The following MCOLN3 variants were observed in gnomAD, a reference collection of about 807,000 sequenced individuals.
MCOLN3 encodes the protein mucolipin TRP cation channel 3.
In MCOLN3, 62 loss-of-function variants were observed where a neutral mutation model predicts 69.4. The observed-to-expected ratio is 0.89, with a 90% CI of 0.73 to 1.10. The LOEUF (loss-of-function observed/expected upper bound fraction) is 1.10, where lower values mean the gene tolerates loss of function less well. Among genes scored for constraint, MCOLN3 ranks in the 50% least tolerant of loss-of-function variants. MCOLN3 has a pLI of 0.00. For synonymous variants in MCOLN3, 183 were observed against 217.0 expected (o/e 0.84, Z 1.38); for missense variants, 564 against 656.4 (o/e 0.86, Z 1.54).
chr1:85,034,590 T>C (rs1252372293), intron 3 of MCOLN3, among the ~76,000 whole-genome samples: 2 of 152,254 alleles, frequency 1.3e-5, no homozygotes, highest in Non-Finnish European at 2.9e-5. Flanking sequence ...AATACATATT[T>C]ATCTTTAAAC....
At chr1:85,029,240 A>C (rs749838938) in intron 6 of MCOLN3, 35 bp from the exon 7 acceptor site, 1 of 1,357,624 alleles carries the variant, frequency 7.4e-7, no homozygotes, top group Admixed American at 1.7e-5. Flanking sequence ...AAACATACTT[A>C]TAGTTTTGGA....
chr1:85,028,678 A>G (rs1388852714), intron 7 of MCOLN3, among the ~76,000 whole-genome samples: 1 of 152,208 alleles, frequency 6.6e-6, no homozygotes, highest in South Asian at 2.1e-4. Context: ...GCAGGGTCAC[A>G]TCCTACCTGA....
At chr1:85,026,943 A>G (rs1652255070) in intron 7 of MCOLN3, among the ~76,000 whole-genome samples, 1 of 151,654 alleles carries the variant, frequency 6.6e-6, no homozygotes, top group Non-Finnish European at 1.5e-5. Context: ...TTGTAGAGAC[A>G]GGGTTTCACT....
chr1:85,047,656 C>A (rs1196054143), intron 1 of MCOLN3: 1 of 152,234 alleles, frequency 6.6e-6, no homozygotes, highest in African/African-American at 2.4e-5. Flanking sequence ...TAGCAAAGGC[C>A]TCCCAGTTGG....
intron 3 of MCOLN3, among the ~76,000 whole-genome samples, chr1:85,038,328 A>T (rs1333813415): frequency 6.6e-6 from 1 of 152,214 alleles, no homozygotes; most frequent in Non-Finnish European, 1.5e-5. Flanking sequence ...GACTGCTCAA[A>T]TTTAAGAGGC....
At chr1:85,028,122 TAAAGTATACAGATG>T (rs1470375195) in intron 7 of MCOLN3, among the ~76,000 whole-genome samples, 1 of 152,188 alleles carries the variant, frequency 6.6e-6, no homozygotes, top group African/African-American at 2.4e-5. Flanking sequence ...AGAATGATTA[TAAAGTATACAGATG>T]ACAAAACAGG....
At chr1:85,029,411 C>A in intron 6 of MCOLN3, 1 of 510,408 alleles carries the variant, frequency 2.0e-6, no homozygotes, top group East Asian at 3.4e-5. Flanking sequence ...TACAGAGACC[C>A]TGTAGTCTCT....
At chr1:85,022,593 AACTTTGGGAC>A in intron 9 of MCOLN3, 193 bp from the exon 10 acceptor site, 1 of 466,178 alleles carries the variant, frequency 2.1e-6, no homozygotes, top group Non-Finnish European at 3.8e-6. Flanking sequence ...AGTTAATAGA[AACTTTGGGAC>A]ACTTGCTGCT....
chr1:85,034,345 G>T (rs1571111726), intron 3 of MCOLN3, 94 bp from the exon 4 acceptor site: 6 of 1,320,030 alleles, frequency 4.5e-6, no homozygotes, highest in South Asian at 2.5e-5. Context: ...ATCCTGGCAG[G>T]TTCCCTTGGG....
intron 12 of MCOLN3, among the ~76,000 whole-genome samples, chr1:85,020,690 A>G (rs562050322): frequency 6.6e-6 from 1 of 152,336 alleles, no homozygotes; most frequent in South Asian, 2.1e-4. Context: ...TTTCTTTATG[A>G]AAATTGGAGT....
Position 85,019,174 on chromosome 1 carries a change from G to A in MCOLN3, c.1611C>T (p.Tyr537=), listed in dbSNP as rs775781529. The change falls in exon 13 of 13, where the codon TAC becomes TAT. Residue 537 remains tyrosine (Y), a synonymous_variant. Transcript: ENST00000370589. ...ATACTGGAGGGTCATCTTCTAATCT[G>A]TATTTTCCAGAGTTGGGTAGATCTT... ...ECKDLPNSGK[Y]RLEDDPPVSL... is the part of the protein sequence containing the mutation. The A allele has an allele frequency of 1.2e-6, 2 of 1,613,488 alleles. No individual in the cohort carries two copies. The highest frequency in any genetic ancestry group is 1.7e-6 in the Non-Finnish European group (2 of 1,179,474).
At position 85,034,380 on chromosome 1, in the gene MCOLN3, A is replaced by G. The variant is rs568663345; in HGVS notation, c.397-129T>C. ...GATAGAGACATTCACTTTGATAAAC[A>G]GGGTAAGTGACTTGCTGCTGTGCAC... is the stretch of plus-strand genomic sequence containing the variant. On this transcript the variant is annotated intron_variant, in intron 3 of 12. Coordinates refer to ENST00000370589, the MANE Select transcript of MCOLN3 (RefSeq NM_018298.11). The G allele has an allele frequency of 6.8e-5, 58 of 853,922 alleles. 1 individual carries two copies. The South Asian group carries it at 9.6e-4, about 14-fold the overall frequency. The allele number at this position is 853,922 out of a possible 1,614,324, so 52.9% of individuals were successfully genotyped here.
At chr1:85,032,357 A>G (rs981157586) in intron 6 of MCOLN3, among the ~76,000 whole-genome samples, 2 of 152,228 alleles carry the variant, frequency 1.3e-5, no homozygotes, top group Admixed American at 6.5e-5. Context: ...ACAGCCAGCC[A>G]TAGATTGCTG....
chr1:85,043,481 G>C (rs1481632828), intron 2 of MCOLN3, among the ~76,000 whole-genome samples: 14 of 150,702 alleles, frequency 9.3e-5, no homozygotes, highest in African/African-American at 3.4e-4. Context: ...AGTGAGCTGA[G>C]ATGGCGCCAC....
At chr1:85,024,696 G>T (rs780049928) in intron 9 of MCOLN3, 2 of 152,116 alleles carry the variant, frequency 1.3e-5, no homozygotes, top group African/African-American at 2.4e-5. Flanking sequence ...TATTTTGTTG[G>T]ATACCATTTA....
At chr1:85,040,703 T>C in intron 3 of MCOLN3, among the ~76,000 whole-genome samples, 1 of 152,132 alleles carries the variant, frequency 6.6e-6, no homozygotes. Flanking sequence ...TGACTACTTA[T>C]ACCCAGGGTC....
intron 12 of MCOLN3, 86 bp from the exon 13 acceptor site, chr1:85,019,343 G>T: frequency 1.5e-6 from 2 of 1,342,410 alleles, no homozygotes; most frequent in Non-Finnish European, 2.1e-6. Context: ...CATTTGGCAA[G>T]GGAGGGGGTT....
rs1158329148 is a variant in MCOLN3, at chr1:85,021,223, AT to A, written c.1373del (p.Asp458ValfsTer16). The A allele has an allele frequency of 8.7e-6, 14 of 1,613,802 alleles. No homozygotes were observed. Among genetic ancestry groups the A allele is most frequent in the Non-Finnish European group, 1.1e-5 (13 of 1,179,898 alleles). On this transcript the variant is annotated frameshift_variant, in exon 12 of 13. Coordinates refer to ENST00000370589, the MANE Select transcript of MCOLN3 (RefSeq NM_018298.11). LOFTEE classifies it high-confidence loss of function. ...TTTTTGCAAACGTGGCAAACATATC[AT>A]CTCCATTTATCAGAGAGAAAAGGCA... ...SECLFSLINGDDMFATFAKMQ... is the reference protein window; with the variant it reads ...SECLFSLINGXDMFATFAKMQ...
chr1:85,029,502 AG>A (rs2102925793), intron 6 of MCOLN3: 1 of 227,790 alleles, frequency 4.4e-6, no homozygotes, highest in African/African-American at 2.3e-5. Flanking sequence ...CTCTGTTCTA[AG>A]TACCTCCAGA....
Sources: gnomAD v4.1 joint callset for allele counts (sites outside exome capture counted in the v4.1 genomes callset) on GRCh38, gnomAD v4.1.1 for gene constraint, MANE v1.5 for transcripts, NCBI Gene and HGNC (gene_info 2026-07-23, HGNC 2026-07-21) for gene names.